Variants in CPT1A observed in about 807,000 individuals in gnomAD.
CPT1A encodes the protein carnitine palmitoyltransferase 1A.
CPT1A carries 64 observed loss-of-function variants against 100.8 expected under a neutral mutation model. The ratio of observed to expected loss-of-function variants is 0.63; its 90% CI spans 0.52 to 0.78. CPT1A has a LOEUF of 0.78. CPT1A is among the 30% of genes least tolerant of loss of function. CPT1A has a pLI of 0.00. For synonymous variants in CPT1A, 363 were observed against 396.0 expected, an observed-to-expected ratio of 0.92 and a Z score of 0.99; for missense variants, 802 against 1,034.1, an observed-to-expected ratio of 0.78 and a Z score of 3.08.
intron 3 of CPT1A, among the ~76,000 whole-genome samples, chr11:68,809,179 TA>T (rs1294659045): frequency 1.3e-5 from 2 of 152,150 alleles, no homozygotes; most frequent in African/African-American, 4.8e-5. Flanking sequence ...GTCTCTTCTT[TA>T]AACCTATACA....
chr11:68,828,003 A>G (rs1856775693), intron 1 of CPT1A, among the ~76,000 whole-genome samples: 1 of 152,232 alleles, frequency 6.6e-6, no homozygotes, highest in Admixed American at 6.5e-5. Context: ...AAAGAAGCAG[A>G]CAGTGGCCTT....
intron 9 of CPT1A, chr11:68,786,089 G>A: frequency 2.8e-6 from 2 of 701,928 alleles, no homozygotes; most frequent in African/African-American, 1.7e-5. Context: ...GCTACCAGGA[G>A]CAGTGGCTCA....
chr11:68,799,649 G>A (rs1855851178), intron 5 of CPT1A, among the ~76,000 whole-genome samples: 1 of 151,666 alleles, frequency 6.6e-6, no homozygotes, highest in South Asian at 2.1e-4. Flanking sequence ...CAGCTACCTG[G>A]GGGGCTGAGG....
chr11:68,840,553 G>C (rs150184376), intron 1 of CPT1A, among the ~76,000 whole-genome samples: 125 of 152,344 alleles, frequency 8.2e-4, no homozygotes, highest in African/African-American at 2.8e-3. Flanking sequence ...ACGGAGCCGA[G>C]AGGAACCGAA....
intron 1 of CPT1A, among the ~76,000 whole-genome samples, chr11:68,824,603 C>A (rs1012571183): frequency 6.6e-6 from 1 of 152,170 alleles, no homozygotes; most frequent in Admixed American, 6.5e-5. Context: ...TCTCGCTCTG[C>A]TGCCCAGGCT....
intron 7 of CPT1A, among the ~76,000 whole-genome samples, chr11:68,795,434 G>A (rs1262504475): frequency 6.6e-6 from 1 of 152,100 alleles, no homozygotes; most frequent in Admixed American, 6.6e-5. Context: ...TCTGTTTGTG[G>A]GAAATAAACA....
chr11:68,761,604 G>A lies in CPT1A; in HGVS notation c.1959C>T (p.Ile653=), dbSNP rs556392764. The A allele has an allele frequency of 4.1e-5, 66 of 1,613,946 alleles. No homozygotes were observed. The highest frequency in any genetic ancestry group is 2.1e-4 in the African/African-American group (16 of 74,888). The part of the protein sequence containing the change: ...MYRLAMTGSG[I]DRHLFCLYVV... ...CGTAAAGGCAGAAGAGGTGACGATC[G>A]ATCCCAGAGCCGGTCATGGCGAGGC... The change falls in exon 16 of 19, where the codon ATC becomes ATT. Residue 653 remains isoleucine (I), a synonymous_variant. Transcript: ENST00000265641.
At chr11:68,786,326 A>T (rs1267678522) in intron 9 of CPT1A, among the ~76,000 whole-genome samples, 1 of 152,160 alleles carries the variant, frequency 6.6e-6, no homozygotes, top group Non-Finnish European at 1.5e-5. Context: ...GCACCACTGC[A>T]CTCCAGCCTG....
intron 1 of CPT1A, among the ~76,000 whole-genome samples, chr11:68,838,582 A>AAAAAAAAACAAAAAAAAAC (rs1857077956): frequency 6.9e-6 from 1 of 145,290 alleles, no homozygotes; most frequent in African/African-American, 2.6e-5. Flanking sequence ...TAAAAAAAAA[A>AAAAAAAAACAAAAAAAAAC]AAAAAAAAAC....
chr11:68,757,107 G>A lies in CPT1A; in HGVS notation c.*537C>T, dbSNP rs1411014055. Reference sequence around the variant, plus strand: ...GCAAACACAGGCTACTGGACCAGACGGGAACGGTTACCCACGGTGACAAAA... The same window carrying A: ...GCAAACACAGGCTACTGGACCAGACAGGAACGGTTACCCACGGTGACAAAA... On this transcript the variant is annotated 3_prime_UTR_variant, in exon 19 of 19. Coordinates refer to ENST00000265641, the MANE Select transcript of CPT1A (RefSeq NM_001876.4). The A allele has an allele frequency of 1.7e-5, 3 of 178,436 alleles. No homozygotes were observed. The highest frequency in any genetic ancestry group is 2.4e-5 in the African/African-American group (1 of 41,784). 11.1% of individuals were successfully genotyped at this position (178,436 alleles called of 1,614,324 possible).
intron 12 of CPT1A, among the ~76,000 whole-genome samples, chr11:68,777,971 C>T (rs183792889): frequency 2.4e-4 from 37 of 152,236 alleles, no homozygotes; most frequent in African/African-American, 8.4e-4. Flanking sequence ...CAGCTTTTGT[C>T]GACATCGCCA....
intron 3 of CPT1A, among the ~76,000 whole-genome samples, chr11:68,809,564 C>T (rs116155179): frequency 0.02 from 3,030 of 152,102 alleles, 110 homozygotes; most frequent in African/African-American, 0.069. Flanking sequence ...AACTCCTGGG[C>T]TCAAGCAATC....
chr11:68,757,241 AC>A lies in CPT1A; in HGVS notation c.*402del. The A allele has an allele frequency of 9.9e-7, 1 of 1,011,046 alleles. No homozygotes were observed. The highest frequency in any genetic ancestry group is 7.4e-5 in the East Asian group (1 of 13,438). 62.6% of individuals were successfully genotyped at this position (1,011,046 alleles called of 1,614,324 possible). ...TTTTCTTTTAACAAAACAAAAGTTT[AC>A]CCTGCTTGGATGATGCTAAATGCCC... On this transcript the variant is annotated 3_prime_UTR_variant, in exon 19 of 19. Transcript: ENST00000265641.
intron 4 of CPT1A, among the ~76,000 whole-genome samples, chr11:68,806,972 G>T (rs1856063987): frequency 6.6e-6 from 1 of 151,956 alleles, no homozygotes; most frequent in South Asian, 2.1e-4. Context: ...AAATAAAAAA[G>T]AAAAACATTT....
intron 1 of CPT1A, among the ~76,000 whole-genome samples, chr11:68,838,240 G>A (rs1159540352): frequency 6.6e-6 from 1 of 151,866 alleles, no homozygotes; most frequent in Non-Finnish European, 1.5e-5. Flanking sequence ...TTCCAAAGAC[G>A]TTCCTGGACC....
chr11:68,754,831 T>G (rs768421649), downstream of CPT1A: 2 of 781,098 alleles, frequency 2.6e-6, no homozygotes, highest in Admixed American at 3.4e-5. Context: ...TATCTGAACT[T>G]GGTCCTTGAC....
chr11:68,777,854 G>A (rs1041445489), intron 12 of CPT1A, among the ~76,000 whole-genome samples: 2 of 152,092 alleles, frequency 1.3e-5, no homozygotes, highest in African/African-American at 4.8e-5. Flanking sequence ...TAACAAGCCC[G>A]GGCTATTATG....
At chr11:68,796,317 G>T (rs1320408882) in intron 7 of CPT1A, among the ~76,000 whole-genome samples, 1 of 152,028 alleles carries the variant, frequency 6.6e-6, no homozygotes, top group African/African-American at 2.4e-5. Context: ...AGCACTTAGG[G>T]AGGCTGAGGC....
intron 9 of CPT1A, among the ~76,000 whole-genome samples, chr11:68,791,671 G>T (rs1392225505): frequency 3.0e-4 from 46 of 152,080 alleles, no homozygotes. Flanking sequence ...CAAGTAGCTG[G>T]GATTACGGGT....
Sources: allele counts gnomAD v4.1 joint callset (sites outside exome capture counted in the v4.1 genomes callset), GRCh38; gene constraint gnomAD v4.1.1; transcripts MANE v1.5; gene names NCBI Gene and HGNC (gene_info 2026-07-23, HGNC 2026-07-21).